Variants in COL24A1 observed in about 807,000 individuals in gnomAD.
The protein encoded by COL24A1 is collagen alpha-1(XXIV) chain.
In COL24A1, 224 loss-of-function variants were observed where a neutral mutation model predicts 253.9. The observed-to-expected ratio is 0.88, with a 90% CI of 0.79 to 0.99. COL24A1 has a LOEUF of 0.99. Ranked by LOEUF, COL24A1 falls within the 50% of genes least tolerant of loss-of-function variation. The pLI is 0.00. For missense variants in COL24A1, 2,131 were observed against 2,068.5 expected (o/e 1.03, Z -0.59); for synonymous variants, 685 against 673.7 (o/e 1.02, Z -0.26).
intron 37 of COL24A1, among the ~76,000 whole-genome samples, chr1:85,854,889 A>G (rs1424123266): frequency 6.6e-6 from 1 of 151,996 alleles, no homozygotes; most frequent in African/African-American, 2.4e-5. Context: ...TTTTTAGTAG[A>G]GAAGGGGTTT....
chr1:85,956,819 C>T lies in COL24A1; in HGVS notation c.2562+4430G>A, dbSNP rs372751482. 4.6e-5 allele frequency among the ~76,000 whole-genome samples: 7 copies of T among 152,134 alleles called. No individual in the cohort carries two copies. The East Asian group carries it at 5.8e-4, about 13-fold the overall frequency. On this transcript the variant is annotated intron_variant, in intron 24 of 59. Transcript: ENST00000370571. Reference sequence around the variant, plus strand: ...GCTTGCTTGATTTAAGTATCATCAACAGTAAAGAAAACATAATAGGAGTCA... The same window carrying T: ...GCTTGCTTGATTTAAGTATCATCAATAGTAAAGAAAACATAATAGGAGTCA...
intron 3 of COL24A1, among the ~76,000 whole-genome samples, chr1:86,119,512 A>C (rs1706503437): frequency 6.6e-6 from 1 of 152,166 alleles, no homozygotes. Flanking sequence ...AGGGGACAAA[A>C]GACAAGAAGA....
intron 41 of COL24A1, 108 bp from the exon 42 acceptor site, chr1:85,841,386 C>G: frequency 1.4e-6 from 1 of 737,918 alleles, no homozygotes; most frequent in Admixed American, 3.4e-5. Context: ...TTGATGTTAT[C>G]TTTTTTTAAG....
intron 55 of COL24A1, among the ~76,000 whole-genome samples, chr1:85,758,980 C>A (rs1406179899): frequency 1.7e-5 from 1 of 58,388 alleles, no homozygotes; most frequent in African/African-American, 4.3e-5. Flanking sequence ...ATCTATTAAG[C>A]AGTCCCTCCC....
At chr1:86,143,044 A>G (rs1050485187) in intron 2 of COL24A1, among the ~76,000 whole-genome samples, 31 of 152,252 alleles carry the variant, frequency 2.0e-4, no homozygotes, top group African/African-American at 7.5e-4. Context: ...TTTACAGCCT[A>G]AAATTTTATA....
intron 53 of COL24A1, among the ~76,000 whole-genome samples, chr1:85,769,295 A>C (rs1163570846): frequency 6.6e-6 from 1 of 152,028 alleles, no homozygotes; most frequent in Non-Finnish European, 1.5e-5. Context: ...ATATAATAAC[A>C]ACAAAAAACA....
chr1:85,747,700 A>T (rs748111145), intron 55 of COL24A1, among the ~76,000 whole-genome samples: 1 of 152,162 alleles, frequency 6.6e-6, no homozygotes, highest in African/African-American at 2.4e-5. Context: ...TGTAGTAGGA[A>T]AAAAGAAAAG....
At chr1:86,021,290 A>G (rs538924583) in intron 18 of COL24A1, among the ~76,000 whole-genome samples, 1 of 152,252 alleles carries the variant, frequency 6.6e-6, no homozygotes, top group South Asian at 2.1e-4. Context: ...ATTGAATCCT[A>G]TATCTAATTT....
intron 39 of COL24A1, among the ~76,000 whole-genome samples, chr1:85,845,989 A>G (rs1478961416): frequency 6.6e-6 from 1 of 151,744 alleles, no homozygotes; most frequent in Non-Finnish European, 1.5e-5. Context: ...AACAGAAGGT[A>G]TCACAATAGT....
chr1:85,827,085 T>A (rs1330225732), intron 43 of COL24A1, among the ~76,000 whole-genome samples: 1 of 152,070 alleles, frequency 6.6e-6, no homozygotes, highest in African/African-American at 2.4e-5. Flanking sequence ...CTCTTATTAT[T>A]TTGAGATACG....
intron 24 of COL24A1, among the ~76,000 whole-genome samples, chr1:85,959,858 C>G (rs2100660927): frequency 6.6e-6 from 1 of 152,264 alleles, no homozygotes; most frequent in African/African-American, 2.4e-5. Flanking sequence ...AGCATTTTAA[C>G]TTCGGATGCC....
At chr1:85,885,397 A>ATATATATATATATATATTT (rs60994639) in intron 32 of COL24A1, among the ~76,000 whole-genome samples, 1 of 128,902 alleles carries the variant, frequency 7.8e-6, no homozygotes, top group African/African-American at 2.9e-5. Flanking sequence ...ATATATATAT[A>ATATATATATATATATATTT]TTTTTTTTTT....
rs371610517 is a variant in COL24A1 at position 86,099,849 on chromosome 1, TA to T, written c.1600-7530del. ...CATGACAGCCAGAAGTATCCTAGAATATTACTGGATGATGTTATTTGCCTGC... is the reference window on the plus strand; with the variant it reads ...CATGACAGCCAGAAGTATCCTAGAATTTACTGGATGATGTTATTTGCCTGC... On this transcript the variant is annotated intron_variant, in intron 5 of 59. Coordinates refer to ENST00000370571, the MANE Select transcript of COL24A1 (RefSeq NM_152890.7). 1.8e-3 allele frequency among the ~76,000 whole-genome samples: 277 copies of T among 152,284 alleles called. 2 individuals are homozygous for T. Among genetic ancestry groups the T allele is most frequent in the African/African-American group, 6.4e-3 (266 of 41,556 alleles).
At chr1:85,992,151 CTA>C (rs1694345612) in intron 19 of COL24A1, among the ~76,000 whole-genome samples, 1 of 151,914 alleles carries the variant, frequency 6.6e-6, no homozygotes, top group Non-Finnish European at 1.5e-5. Context: ...CAATTCCCAC[CTA>C]TGAGTGAGAA....
chr1:85,788,383 G>A (rs549466131), intron 47 of COL24A1, among the ~76,000 whole-genome samples: 12 of 151,954 alleles, frequency 7.9e-5, no homozygotes, highest in East Asian at 3.9e-4. Flanking sequence ...GAGCCACCGC[G>A]CCTGGCCCTT....
intron 22 of COL24A1, among the ~76,000 whole-genome samples, chr1:85,968,271 C>T (rs1020852346): frequency 2.0e-5 from 3 of 152,068 alleles, no homozygotes; most frequent in Admixed American, 6.6e-5. Flanking sequence ...CAAGTGGTAA[C>T]GCTCACTCCC....
intron 5 of COL24A1, among the ~76,000 whole-genome samples, chr1:86,101,578 TGA>T (rs1704459236): frequency 6.6e-6 from 1 of 152,210 alleles, no homozygotes; most frequent in Non-Finnish European, 1.5e-5. Context: ...CCAGGTTTAT[TGA>T]GAGTTTTTAA....
chr1:85,951,747 A>G (rs1018253541), intron 24 of COL24A1, among the ~76,000 whole-genome samples: 9 of 152,172 alleles, frequency 5.9e-5, no homozygotes, highest in African/African-American at 1.7e-4. Flanking sequence ...GTGACAGCAA[A>G]TTGATTTTAT....
intron 24 of COL24A1, among the ~76,000 whole-genome samples, chr1:85,917,329 AT>A (rs1685994557): frequency 6.6e-6 from 1 of 152,060 alleles, no homozygotes; most frequent in Non-Finnish European, 1.5e-5. Flanking sequence ...GTGGCTCATT[AT>A]TTTTTTATTT....
Sources: gnomAD v4.1 joint callset for allele counts (sites outside exome capture counted in the v4.1 genomes callset) on GRCh38, gnomAD v4.1.1 for gene constraint, MANE v1.5 for transcripts, NCBI Gene and HGNC (gene_info 2026-07-23, HGNC 2026-07-21) for gene names.